ABI2: variants seen among roughly 807,000 people sequenced by gnomAD.
ABI2 encodes abl interactor 2, also known as abelson interactor 2.
Under a neutral mutation model 59.2 loss-of-function variants are expected in ABI2, and 25 were observed. That is an observed-to-expected ratio of 0.42 (90% CI 0.31 to 0.59). ABI2 has a LOEUF of 0.59. ABI2 is among the 20% of genes least tolerant of loss of function. The pLI, the probability that ABI2 is intolerant of heterozygous loss-of-function variation, is 0.14. For missense variants in ABI2, 545 were observed against 681.8 expected (o/e 0.80, Z 2.23); for synonymous variants, 213 against 235.5 (o/e 0.90, Z 0.87).
intron 2 of ABI2, among the ~76,000 whole-genome samples, chr2:203,374,298 G>T (rs999301381): frequency 1.3e-5 from 2 of 152,038 alleles, no homozygotes; most frequent in Non-Finnish European, 2.9e-5. Context: ...TCAGGAGTTT[G>T]AGACCAGCCT....
At chr2:203,426,481 A>G (rs971373826) in intron 11 of ABI2, among the ~76,000 whole-genome samples, 10 of 152,342 alleles carry the variant, frequency 6.6e-5, no homozygotes, top group South Asian at 2.1e-4. Flanking sequence ...GATTTAAGCA[A>G]TGAAAATCAC....
intron 2 of ABI2, among the ~76,000 whole-genome samples, chr2:203,370,224 C>CTT: frequency 8.2e-6 from 1 of 121,626 alleles, no homozygotes; most frequent in East Asian, 2.1e-4. Flanking sequence ...CTCTCTCTCT[C>CTT]TCTTTCTGTG....
At chr2:203,372,160 T>G (rs1015928239) in intron 2 of ABI2, among the ~76,000 whole-genome samples, 21 of 151,888 alleles carry the variant, frequency 1.4e-4, no homozygotes, top group African/African-American at 4.8e-4. Context: ...CAAGCATCTG[T>G]TTAACAAAGC....
chr2:203,402,646 G>A lies in ABI2; in HGVS notation c.1104G>A (p.Ser368=), dbSNP rs780045827. 6.8e-6 allele frequency: 11 copies of A among 1,606,734 alleles called. No individual in the cohort carries two copies. The Admixed American group carries it at 8.5e-5, about 12-fold the overall frequency. Residue 368 remains serine (S), a synonymous_variant, in exon 9 of 12, where the codon TCG becomes TCA. Transcript: ENST00000261018. ...ATACTCCCCCAACAATAGGGGGCTC[G>A]TTGCCCTATAGACGCCCTCCTTCCA... ...SRHTPPTIGG[S]LPYRRPPSIT... is the part of the protein sequence containing the mutation.
intron 1 of ABI2, among the ~76,000 whole-genome samples, chr2:203,355,700 G>A (rs1238566424): frequency 6.6e-6 from 1 of 151,360 alleles, no homozygotes; most frequent in South Asian, 2.1e-4. Context: ...GCATGGTGGC[G>A]CACGCCTGTA....
chr2:203,384,549 A>G (rs892433869), intron 4 of ABI2, among the ~76,000 whole-genome samples: 1 of 151,928 alleles, frequency 6.6e-6, no homozygotes, highest in African/African-American at 2.4e-5. Flanking sequence ...TGCTCAAGCC[A>G]TCCTCTCACC....
chr2:203,410,156 A>G (rs2097597622), intron 9 of ABI2, among the ~76,000 whole-genome samples: 1 of 152,090 alleles, frequency 6.6e-6, no homozygotes, highest in Non-Finnish European at 1.5e-5. Context: ...CTGAGAGGTC[A>G]TTTCATTGTA....
chr2:203,367,053 A>G lies in ABI2; in HGVS notation c.285+9A>G. ...TCAATCATATTTCACAAGTGAGACC[A>G]CAATATTTTCCTATTTGCCTATGAG... On this transcript the variant is annotated intron_variant, in intron 2 of 11. Coordinates refer to ENST00000261018, the MANE Select transcript of ABI2 (RefSeq NM_001375670.1). 6.2e-7 allele frequency: 1 copy of G among 1,607,980 alleles called. No individual in the cohort carries two copies. Among genetic ancestry groups the G allele is most frequent in the Non-Finnish European group, 8.5e-7 (1 of 1,176,352 alleles).
At chr2:203,425,999 C>T (rs376334706) in intron 11 of ABI2, among the ~76,000 whole-genome samples, 6 of 142,310 alleles carry the variant, frequency 4.2e-5, no homozygotes, top group African/African-American at 1.6e-4. Flanking sequence ...CCAGCCTGGG[C>T]GATAAGAGTG....
chr2:203,371,432 T>C (rs2095179583), intron 2 of ABI2, among the ~76,000 whole-genome samples: 1 of 152,220 alleles, frequency 6.6e-6, no homozygotes, highest in Non-Finnish European at 1.5e-5. Flanking sequence ...CAGACACTTT[T>C]TTGTATTAAA....
At chr2:203,356,665 A>C (rs2092122914) in intron 1 of ABI2, among the ~76,000 whole-genome samples, 1 of 151,926 alleles carries the variant, frequency 6.6e-6, no homozygotes, top group Non-Finnish European at 1.5e-5. Context: ...CCACCATTCC[A>C]GTCCAAATTT....
chr2:203,427,587 C>G lies in ABI2; in HGVS notation c.*235C>G. On this transcript the variant is annotated 3_prime_UTR_variant, in exon 12 of 12. Coordinates refer to ENST00000261018, the MANE Select transcript of ABI2 (RefSeq NM_001375670.1). ...GCTGTCTGGATTGAAATAAAATGAC[C>G]ATTTTTATGTATGTCAAAGGTATAA... The G allele has an allele frequency of 2.5e-6, 1 of 402,694 alleles. No individual in the cohort carries two copies. 24.9% of individuals were successfully genotyped at this position (402,694 alleles called of 1,614,324 possible).
At chr2:203,423,713 G>A (rs753831241) in intron 11 of ABI2, among the ~76,000 whole-genome samples, 67 of 152,164 alleles carry the variant, frequency 4.4e-4, no homozygotes, top group Admixed American at 9.2e-4. Flanking sequence ...GAGCCACCGC[G>A]CCCAGCCCAA....
chr2:203,349,002 G>A (rs1293076496), intron 1 of ABI2, among the ~76,000 whole-genome samples: 3 of 150,506 alleles, frequency 2.0e-5, no homozygotes, highest in South Asian at 2.1e-4. Context: ...GTGTGATCTC[G>A]GCTCACTGCA....
At chr2:203,398,038 T>C (rs908146295) in intron 8 of ABI2, among the ~76,000 whole-genome samples, 2 of 152,266 alleles carry the variant, frequency 1.3e-5, no homozygotes, top group African/African-American at 2.4e-5. Flanking sequence ...ATCACCGTAG[T>C]GTTCCACTTG....
At chr2:203,372,830 C>T (rs1368680639) in intron 2 of ABI2, among the ~76,000 whole-genome samples, 6 of 151,208 alleles carry the variant, frequency 4.0e-5, no homozygotes, top group South Asian at 4.2e-4. Flanking sequence ...ACCTCCCAGA[C>T]GGGGTCGCGG....
intron 1 of ABI2, among the ~76,000 whole-genome samples, chr2:203,356,964 G>A (rs2092258843): frequency 6.6e-6 from 1 of 151,952 alleles, no homozygotes; most frequent in Admixed American, 6.6e-5. Flanking sequence ...CGAAAGCATT[G>A]GGAATGTTAA....
rs1465258298 is a variant in ABI2 at position 203,430,683 on chromosome 2, A to G, written c.*3331A>G. 6.6e-6 allele frequency: 1 copy of G among 152,204 alleles called. No individual in the cohort carries two copies. The highest frequency in any genetic ancestry group is 6.5e-5 in the Admixed American group (1 of 15,284). The allele number at this position is 152,204 out of a possible 1,614,324, so 9.4% of individuals were successfully genotyped here. A position where few individuals can be genotyped will look rare whatever the true frequency, so the allele number is the denominator to read the frequency against. On this transcript the variant is annotated 3_prime_UTR_variant, in exon 12 of 12. Transcript: ENST00000261018. ...CTGCTGTTCCCATTTTAGAGTTGAC[A>G]GTGGCCTGCTAATTTTGCTATGTTC... is the stretch of plus-strand genomic sequence containing the variant.
chr2:203,333,248 G>C (rs776081441), intron 1 of ABI2, among the ~76,000 whole-genome samples: 1 of 152,140 alleles, frequency 6.6e-6, no homozygotes, highest in Non-Finnish European at 1.5e-5. Context: ...AAAATTGCCC[G>C]ATCATCTTGA....
Sources: allele counts gnomAD v4.1 joint callset (sites outside exome capture counted in the v4.1 genomes callset), GRCh38; gene constraint gnomAD v4.1.1; transcripts MANE v1.5; gene names NCBI Gene and HGNC (gene_info 2026-07-23, HGNC 2026-07-21).